ASXL3: variants seen among roughly 807,000 people sequenced by gnomAD.
The protein encoded by ASXL3 is ASXL transcriptional regulator 3.
In ASXL3, 34 loss-of-function variants were observed where a neutral mutation model predicts 170.6. The observed-to-expected ratio is 0.20, with a 90% CI of 0.15 to 0.27. The LOEUF is 0.27. ASXL3 is among the 10% of genes least tolerant of loss of function. The pLI, the probability that ASXL3 is intolerant of heterozygous loss-of-function variation, is 1.00. For missense variants in ASXL3, 2,592 were observed against 2,695.3 expected (o/e 0.96, Z 0.85); for synonymous variants, 1,002 against 989.1 (o/e 1.01, Z -0.24).
chr18:33,646,479 G>A (rs2065916388), intron 4 of ASXL3, 126 bp downstream of exon 4: 1 of 608,396 alleles, frequency 1.6e-6, no homozygotes. Context: ...TTACCGCTGA[G>A]ATTTATCATC....
intron 1 of ASXL3, among the ~76,000 whole-genome samples, chr18:33,603,653 T>C (rs1210547440): frequency 6.6e-6 from 1 of 152,020 alleles, no homozygotes; most frequent in East Asian, 1.9e-4. Flanking sequence ...TGTGTTTGCT[T>C]TGTGCACCAG....
chr18:33,622,981 G>A (rs146434874), intron 2 of ASXL3, among the ~76,000 whole-genome samples: 2 of 152,178 alleles, frequency 1.3e-5, no homozygotes, highest in Admixed American at 1.3e-4. Context: ...TTATATTAAA[G>A]ATGTGTTATC....
chr18:33,716,568 A>G (rs1335484776), intron 8 of ASXL3, among the ~76,000 whole-genome samples: 2 of 152,094 alleles, frequency 1.3e-5, no homozygotes, highest in Non-Finnish European at 2.9e-5. Context: ...GGAGAGTTGT[A>G]TGTTTTAGGA....
intron 1 of ASXL3, among the ~76,000 whole-genome samples, chr18:33,602,707 T>C (rs977431594): frequency 6.6e-6 from 1 of 152,162 alleles, no homozygotes; most frequent in African/African-American, 2.4e-5. Flanking sequence ...CCTGTTCATC[T>C]AGTCACTAGC....
chr18:33,675,576 T>C (rs2066412265), intron 7 of ASXL3, among the ~76,000 whole-genome samples: 3 of 152,208 alleles, frequency 2.0e-5, no homozygotes, highest in Non-Finnish European at 4.4e-5. Context: ...CTACAATTTT[T>C]TTCTCATTGT....
chr18:33,735,847 T>C (rs1001677064), intron 10 of ASXL3, among the ~76,000 whole-genome samples: 2 of 152,188 alleles, frequency 1.3e-5, no homozygotes, highest in African/African-American at 4.8e-5. Context: ...AGACACTCTC[T>C]TGGATGCCAG....
At chr18:33,711,381 ATCT>A (rs759445441) in intron 8 of ASXL3, among the ~76,000 whole-genome samples, 7 of 152,104 alleles carry the variant, frequency 4.6e-5, no homozygotes, top group Non-Finnish European at 7.4e-5. Context: ...AATATATGTG[ATCT>A]TCTTCCAAAA....
At chr18:33,676,817 C>G (rs1032951354) in intron 7 of ASXL3, among the ~76,000 whole-genome samples, 12 of 152,138 alleles carry the variant, frequency 7.9e-5, no homozygotes, top group Non-Finnish European at 1.8e-4. Context: ...TTAAAACCCT[C>G]CCCCATGAAG....
chr18:33,602,897 ATTG>A (rs1257959549), intron 1 of ASXL3, among the ~76,000 whole-genome samples: 2 of 151,180 alleles, frequency 1.3e-5, no homozygotes, highest in African/African-American at 4.9e-5. Context: ...ATAATGGTTT[ATTG>A]TTGTTATAAC....
At chr18:33,646,140 A>G (rs931593706) in intron 3 of ASXL3, 105 bp from the exon 4 acceptor site, 3 of 743,380 alleles carry the variant, frequency 4.0e-6, no homozygotes, top group Non-Finnish European at 6.3e-6. Flanking sequence ...TTGAAATGTT[A>G]AGTCACAAAT....
At chr18:33,619,826 A>G (rs769286628) in intron 2 of ASXL3, among the ~76,000 whole-genome samples, 24 of 152,262 alleles carry the variant, frequency 1.6e-4, no homozygotes, top group Non-Finnish European at 2.8e-4. Flanking sequence ...AAACAATTGC[A>G]TGGAAATAGT....
intron 8 of ASXL3, among the ~76,000 whole-genome samples, chr18:33,713,076 A>G (rs1279162711): frequency 6.6e-6 from 1 of 151,956 alleles, no homozygotes; most frequent in East Asian, 1.9e-4. Context: ...GAGAAGTTGG[A>G]CACAGCCACC....
chr18:33,664,412 A>G (rs1311517813), intron 5 of ASXL3, among the ~76,000 whole-genome samples: 1 of 152,208 alleles, frequency 6.6e-6, no homozygotes, highest in East Asian at 1.9e-4. Context: ...GTTATTAAAA[A>G]TAGCATTTCT....
intron 1 of ASXL3, among the ~76,000 whole-genome samples, chr18:33,603,599 C>A (rs991284460): frequency 5.9e-5 from 9 of 151,954 alleles, no homozygotes; most frequent in Admixed American, 2.6e-4. Context: ...CATCTGTTTA[C>A]CTCCTGTGAA....
chr18:33,663,148 A>G (rs944132195), intron 5 of ASXL3, among the ~76,000 whole-genome samples: 1 of 152,180 alleles, frequency 6.6e-6, no homozygotes, highest in African/African-American at 2.4e-5. Context: ...TAATTGATGA[A>G]ATAAAAAACA....
intron 4 of ASXL3, among the ~76,000 whole-genome samples, chr18:33,654,258 T>C (rs1484837515): frequency 2.0e-5 from 3 of 151,986 alleles, no homozygotes; most frequent in Non-Finnish European, 2.9e-5. Context: ...ACAAACTACT[T>C]CTCAAAAACA....
chr18:33,604,985 G>A (rs1198292506), intron 1 of ASXL3, among the ~76,000 whole-genome samples: 1 of 152,002 alleles, frequency 6.6e-6, no homozygotes, highest in Non-Finnish European at 1.5e-5. Context: ...AGAAATACTT[G>A]TAGGTATTTG....
intron 2 of ASXL3, among the ~76,000 whole-genome samples, chr18:33,635,072 T>C (rs2065744391): frequency 6.6e-6 from 1 of 152,062 alleles, no homozygotes; most frequent in Non-Finnish European, 1.5e-5. Context: ...CAGTGGGCAT[T>C]GAGGAAGAGA....
intron 2 of ASXL3, among the ~76,000 whole-genome samples, chr18:33,626,360 T>C (rs12962581): frequency 6.6e-6 from 1 of 152,122 alleles, no homozygotes; most frequent in Non-Finnish European, 1.5e-5. Flanking sequence ...CAATCAGTCT[T>C]GAGCTCTTTG....
Sources: gnomAD v4.1 joint callset for allele counts (sites outside exome capture counted in the v4.1 genomes callset) on GRCh38, gnomAD v4.1.1 for gene constraint, MANE v1.5 for transcripts, NCBI Gene and HGNC (gene_info 2026-07-23, HGNC 2026-07-21) for gene names.